The following GNAI1 variants were observed in gnomAD, a reference collection of about 807,000 sequenced individuals.
The protein encoded by GNAI1 is G protein subunit alpha i1.
A neutral mutation model predicts 38.9 loss-of-function variants in GNAI1; 11 were observed. The ratio of observed to expected loss-of-function variants is 0.28; its 90% CI spans 0.18 to 0.47. GNAI1 has a LOEUF of 0.47. Ranked by LOEUF, GNAI1 falls within the 20% of genes least tolerant of loss-of-function variation. The pLI, the probability that GNAI1 is intolerant of heterozygous loss-of-function variation, is 0.99. For synonymous variants in GNAI1, 166 were observed against 145.1 expected (o/e 1.14, Z -1.04); for missense variants, 317 against 436.9 (o/e 0.73, Z 2.45).
At chr7:80,168,038 C>G (rs1032557976) in intron 1 of GNAI1, among the ~76,000 whole-genome samples, 1 of 152,122 alleles carries the variant, frequency 6.6e-6, no homozygotes, top group Non-Finnish European at 1.5e-5. Flanking sequence ...CACCAATGAC[C>G]AAAAATGTTC....
At chr7:80,171,253 A>C (rs1404447438) in intron 1 of GNAI1, among the ~76,000 whole-genome samples, 2 of 152,066 alleles carry the variant, frequency 1.3e-5, no homozygotes, top group Admixed American at 6.6e-5. Context: ...AATCCTTGTA[A>C]AAAATTTATT....
chr7:80,174,031 T>C (rs1788141292), intron 1 of GNAI1, among the ~76,000 whole-genome samples: 1 of 152,126 alleles, frequency 6.6e-6, no homozygotes, highest in Non-Finnish European at 1.5e-5. Context: ...AGGTAGGGGT[T>C]ATCAGGAAAC....
At chr7:80,152,826 C>G (rs556238073) in intron 1 of GNAI1, among the ~76,000 whole-genome samples, 53 of 152,066 alleles carry the variant, frequency 3.5e-4, no homozygotes, top group African/African-American at 1.2e-3. Flanking sequence ...CCGCCTCGGC[C>G]TCCCAAAGTG....
chr7:80,148,764 A>G (rs1787673017), intron 1 of GNAI1, among the ~76,000 whole-genome samples: 1 of 152,082 alleles, frequency 6.6e-6, no homozygotes, highest in African/African-American at 2.4e-5. Flanking sequence ...AGGATTAGCT[A>G]TTTAGATTGA....
intron 5 of GNAI1, among the ~76,000 whole-genome samples, chr7:80,206,514 C>T (rs1788780040): frequency 6.6e-6 from 1 of 151,874 alleles, no homozygotes; most frequent in African/African-American, 2.4e-5. Flanking sequence ...AGAATATTGT[C>T]ATTTTATCTT....
rs527679712 is a variant in GNAI1, at chr7:80,222,833, G to A, written c.*5340G>A. Reference sequence around the variant, plus strand: ...AAGTACAGGTGCTCCTTGACTTACCGTGGGTTAAGTCCTGAAAAGCCCACT... The same window carrying A: ...AAGTACAGGTGCTCCTTGACTTACCATGGGTTAAGTCCTGAAAAGCCCACT... On this transcript the variant is annotated 3_prime_UTR_variant, in exon 8 of 8. Coordinates refer to ENST00000649796, the MANE Select transcript of GNAI1 (RefSeq NM_002069.6). Among the ~76,000 whole-genome samples the A allele has an allele frequency of 7.9e-5, 12 of 152,206 alleles. No homozygotes were observed. Among genetic ancestry groups the A allele is most frequent in the African/African-American group, 1.7e-4 (7 of 41,526 alleles).
At chr7:80,163,962 CT>C in intron 1 of GNAI1, among the ~76,000 whole-genome samples, 1 of 115,310 alleles carries the variant, frequency 8.7e-6, no homozygotes, top group South Asian at 2.6e-4. Context: ...CAAACTGGTG[CT>C]TTCTTTTTTT....
chr7:80,151,590 TG>T (rs990529104), intron 1 of GNAI1, among the ~76,000 whole-genome samples: 13 of 152,296 alleles, frequency 8.5e-5, no homozygotes, highest in African/African-American at 3.1e-4. Context: ...ATTCCTGGGG[TG>T]CTCCCACCCC....
intron 1 of GNAI1, among the ~76,000 whole-genome samples, chr7:80,163,966 CTTT>C (rs1313381597): frequency 1.1e-4 from 8 of 75,018 alleles, no homozygotes; most frequent in Middle Eastern, 7.1e-3. Context: ...CTGGTGCTTT[CTTT>C]TTTTTTTTTT....
At chr7:80,156,291 C>T (rs560020157) in intron 1 of GNAI1, among the ~76,000 whole-genome samples, 10 of 152,070 alleles carry the variant, frequency 6.6e-5, no homozygotes, top group Non-Finnish European at 1.3e-4. Flanking sequence ...AAAGAAAATA[C>T]GGAAATAAAA....
rs562306587 is a variant in GNAI1, at chr7:80,209,224, A to G, written c.591-1745A>G. ...AGAGTAGCACCTCATTCTCTGCACT[A>G]AAGTTGTATCATCAGTATTCACCAG... On this transcript the variant is annotated intron_variant, in intron 5 of 7. Coordinates refer to ENST00000649796, the MANE Select transcript of GNAI1 (RefSeq NM_002069.6). Among the ~76,000 whole-genome samples, 55 of 152,262 alleles carry G rather than the reference A, an allele frequency of 3.6e-4. 1 individual carries two copies. Among genetic ancestry groups the G allele is most frequent in the South Asian group, 8.3e-4 (4 of 4,826 alleles).
At position 80,220,314 on chromosome 7, in the gene GNAI1, T is replaced by C. The variant is rs1036343162; in HGVS notation, c.*2821T>C. Among the ~76,000 whole-genome samples the C allele has an allele frequency of 6.6e-6, 1 of 152,224 alleles. No homozygotes were observed. The highest frequency in any genetic ancestry group is 1.5e-5 in the Non-Finnish European group (1 of 68,042). ...TTTGTGTCTGTCAATGTTATTTTTA[T>C]TAGCACTTTTAAAATGGTGTGTAAA... is the stretch of plus-strand genomic sequence containing the variant. On this transcript the variant is annotated 3_prime_UTR_variant, in exon 8 of 8. Coordinates refer to ENST00000649796, the MANE Select transcript of GNAI1 (RefSeq NM_002069.6).
intron 6 of GNAI1, among the ~76,000 whole-genome samples, chr7:80,212,203 C>T (rs539693635): frequency 2.0e-4 from 30 of 152,282 alleles, no homozygotes; most frequent in African/African-American, 6.5e-4. Context: ...TAAAATGTAT[C>T]AGTGCCCTCT....
At chr7:80,210,367 T>A (rs1788851952) in intron 5 of GNAI1, among the ~76,000 whole-genome samples, 2 of 152,186 alleles carry the variant, frequency 1.3e-5, no homozygotes, top group Non-Finnish European at 2.9e-5. Context: ...ATTTCAGTTC[T>A]CTCATTTTGT....
At chr7:80,201,450 G>A (rs534245547) in intron 4 of GNAI1, among the ~76,000 whole-genome samples, 2 of 152,296 alleles carry the variant, frequency 1.3e-5, no homozygotes, top group South Asian at 4.1e-4. Context: ...GGCATTGGTG[G>A]CTCATGCTTT....
intron 1 of GNAI1, among the ~76,000 whole-genome samples, chr7:80,182,658 C>CA (rs1788315161): frequency 6.6e-6 from 1 of 152,034 alleles, no homozygotes; most frequent in African/African-American, 2.4e-5. Context: ...ATCCTCTTTA[C>CA]AAAAATAGCA....
Position 80,212,778 on chromosome 7 carries a change from T to C in GNAI1, c.783T>C (p.Asp261=), listed in dbSNP as rs1788896353. ...TATGTAACAACAAGTGGTTTACAGA[T>C]ACATCCATTATACTTTTTCTAAACA... ...DSICNNKWFT[D]TSIILFLNKK... The change falls in exon 7 of 8, where the codon GAT becomes GAC. Residue 261 remains aspartate, a synonymous_variant. Transcript: ENST00000649796. 1.3e-6 allele frequency: 2 copies of C among 1,574,266 alleles called. No individual in the cohort carries two copies. Among genetic ancestry groups the C allele is most frequent in the Non-Finnish European group, 1.7e-6 (2 of 1,159,830 alleles).
intron 1 of GNAI1, among the ~76,000 whole-genome samples, chr7:80,143,419 T>G (rs1195345000): frequency 6.6e-6 from 1 of 152,222 alleles, no homozygotes; most frequent in Non-Finnish European, 1.5e-5. Context: ...CATGTATTTC[T>G]GAACCTACTA....
intron 3 of GNAI1, among the ~76,000 whole-genome samples, chr7:80,192,167 A>T (rs966275488): frequency 6.6e-6 from 1 of 152,152 alleles, no homozygotes; most frequent in Non-Finnish European, 1.5e-5. Context: ...CAGAACTGTT[A>T]AGATTTTTAC....
Sources: allele counts gnomAD v4.1 joint callset (sites outside exome capture counted in the v4.1 genomes callset), GRCh38; gene constraint gnomAD v4.1.1; transcripts MANE v1.5; gene names NCBI Gene and HGNC (gene_info 2026-07-23, HGNC 2026-07-21).